The following ABLIM3 variants were observed in gnomAD, a reference collection of about 807,000 sequenced individuals.
ABLIM3 encodes actin-binding LIM protein 3.
A neutral mutation model predicts 109.5 loss-of-function variants in ABLIM3; 61 were observed. The observed-to-expected ratio is 0.56, with a 90% confidence interval of 0.45 to 0.69. The LOEUF (loss-of-function observed/expected upper bound fraction) is 0.69. Ranked by LOEUF, ABLIM3 falls within the 30% of genes least tolerant of loss-of-function variation. ABLIM3 has a pLI of 0.00. For missense variants in ABLIM3, 796 were observed against 889.5 expected, an observed-to-expected ratio of 0.89 and a Z score of 1.34; for synonymous variants, 300 against 324.8, an observed-to-expected ratio of 0.92 and a Z score of 0.82.
intron 2 of ABLIM3, among the ~76,000 whole-genome samples, chr5:149,183,095 G>A (rs1756601997): frequency 6.6e-6 from 1 of 152,212 alleles, no homozygotes; most frequent in Non-Finnish European, 1.5e-5. Flanking sequence ...CCTTGGACAA[G>A]TTTGGGGCCT....
In ABLIM3 at chr5:149,259,387, A is replaced by T; in HGVS notation, c.*983A>T. On this transcript the variant is annotated 3_prime_UTR_variant, in exon 24 of 24. Coordinates refer to ENST00000309868, the MANE Select transcript of ABLIM3 (RefSeq NM_014945.5). ...GTTCCCACCAGAGCTCCAACTGAAC[A>T]ACCAGACAGACAACTCTCATCATCC... 6.8e-7 allele frequency: 1 copy of T among 1,477,030 alleles called. No individual in the cohort carries two copies. The highest frequency in any genetic ancestry group is 9.0e-7 in the Non-Finnish European group (1 of 1,117,154). 91.5% of individuals were successfully genotyped at this position (1,477,030 alleles called of 1,614,324 possible).
intron 14 of ABLIM3, among the ~76,000 whole-genome samples, chr5:149,242,082 G>GGGGGA (rs1561627908): frequency 6.6e-6 from 1 of 152,162 alleles, no homozygotes; most frequent in African/African-American, 2.4e-5. Flanking sequence ...CTTTGAGGGA[G>GGGGGA]GGGGAGGGAG....
intron 10 of ABLIM3, among the ~76,000 whole-genome samples, chr5:149,236,154 T>G (rs1304085868): frequency 6.6e-6 from 1 of 152,174 alleles, no homozygotes; most frequent in Non-Finnish European, 1.5e-5. Context: ...CAGGCAGTGT[T>G]CAGGACATAG....
chr5:149,235,971 G>A (rs144245917), intron 10 of ABLIM3, among the ~76,000 whole-genome samples: 7 of 152,330 alleles, frequency 4.6e-5, no homozygotes, highest in Non-Finnish European at 7.3e-5. Context: ...GGCAAGAGCT[G>A]GGGAAGCCCA....
intron 2 of ABLIM3, among the ~76,000 whole-genome samples, chr5:149,160,227 G>A (rs1183070836): frequency 6.6e-6 from 1 of 152,002 alleles, no homozygotes; most frequent in African/African-American, 2.4e-5. Flanking sequence ...GGCCAACGTG[G>A]GTGGATCGCT....
chr5:149,229,860 G>C (rs1280681129), intron 8 of ABLIM3, among the ~76,000 whole-genome samples: 2 of 152,184 alleles, frequency 1.3e-5, no homozygotes, highest in African/African-American at 2.4e-5. Flanking sequence ...TTCGGGTTTG[G>C]GGCTGGCCAA....
rs191253617 is a variant in ABLIM3 at position 149,214,396 on chromosome 5, G to A, written c.670-2563G>A. 3.2e-4 allele frequency among the ~76,000 whole-genome samples: 48 copies of A among 152,290 alleles called. No individual in the cohort carries two copies. In the East Asian group the frequency reaches 5.8e-3, roughly 18 times the overall value. On this transcript the variant is annotated intron_variant, in intron 7 of 23. Coordinates refer to ENST00000309868, the MANE Select transcript of ABLIM3 (RefSeq NM_014945.5). ...AGGCTTAGATTCTATCAGCCGGCAC[G>A]CCCGGTGGAAAAAAGAACTTCTCTT...
chr5:149,158,967 A>G (rs1308947836), intron 2 of ABLIM3, among the ~76,000 whole-genome samples: 2 of 152,200 alleles, frequency 1.3e-5, no homozygotes, highest in Non-Finnish European at 1.5e-5. Context: ...GAAAACTGAT[A>G]CAGTTTTATA....
At chr5:149,217,622 C>G (rs528777307) in intron 8 of ABLIM3, 1 of 155,058 alleles carries the variant, frequency 6.4e-6, no homozygotes, top group African/African-American at 2.4e-5. Flanking sequence ...TAATTAGTCT[C>G]CAGATTCTGC....
rs552123038 is a variant in ABLIM3, at chr5:149,201,541, G to A, written c.448+1113G>A. On this transcript the variant is annotated intron_variant, in intron 5 of 23. Transcript: ENST00000309868. ...ATGGTGAGCTGAGGAGAAAGACAGT[G>A]GGAAGGCTCCCTCCCTTGCCTGCTC... is the stretch of plus-strand genomic sequence containing the variant. Among the ~76,000 whole-genome samples, 7 of 152,246 alleles carry A rather than the reference G, an allele frequency of 4.6e-5. No individual in the cohort carries two copies. In the South Asian group the frequency reaches 1.5e-3, roughly 32 times the overall value.
chr5:149,234,530 A>G (rs1481931274), intron 10 of ABLIM3, among the ~76,000 whole-genome samples: 5 of 152,174 alleles, frequency 3.3e-5, no homozygotes, highest in African/African-American at 1.2e-4. Context: ...TGATGGGACT[A>G]TGGGCACCTT....
At chr5:149,143,547 A>G (rs1752676441) in intron 2 of ABLIM3, among the ~76,000 whole-genome samples, 1 of 147,704 alleles carries the variant, frequency 6.8e-6, no homozygotes, top group African/African-American at 2.5e-5. Context: ...CATGGAAGAG[A>G]AAAAAAAAAG....
intron 9 of ABLIM3, among the ~76,000 whole-genome samples, chr5:149,232,197 T>A (rs1761933819): frequency 6.6e-6 from 1 of 152,152 alleles, no homozygotes; most frequent in African/African-American, 2.4e-5. Flanking sequence ...TCCCAGCTAC[T>A]TGGGAGGCTG....
At chr5:149,252,616 G>A in intron 22 of ABLIM3, 141 bp from the exon 23 acceptor site, 3 of 691,258 alleles carry the variant, frequency 4.3e-6, no homozygotes, top group Non-Finnish European at 7.6e-6. Flanking sequence ...GCAACCCCAA[G>A]AAGGGCAGAT....
chr5:149,258,916 C>G lies in ABLIM3; in HGVS notation c.*512C>G. Reference sequence around the variant, plus strand: ...CACCCCCAATTAGGAGCTCAGTGCTCTCTTGGGGCAATGCAGTTAAAAGGG... The same window carrying G: ...CACCCCCAATTAGGAGCTCAGTGCTGTCTTGGGGCAATGCAGTTAAAAGGG... On this transcript the variant is annotated 3_prime_UTR_variant, in exon 24 of 24. Transcript: ENST00000309868. 1.0e-6 allele frequency: 1 copy of G among 990,990 alleles called. No homozygotes were observed. Among genetic ancestry groups the G allele is most frequent in the East Asian group, 1.1e-4 (1 of 8,934 alleles). The allele number at this position is 990,990 out of a possible 1,614,324, so 61.4% of individuals were successfully genotyped here.
chr5:149,256,701 A>C (rs1240093796), intron 23 of ABLIM3, among the ~76,000 whole-genome samples: 1 of 152,260 alleles, frequency 6.6e-6, no homozygotes, highest in Non-Finnish European at 1.5e-5. Flanking sequence ...GAACTGACAC[A>C]ATGTCTAGGC....
At chr5:149,200,488 T>A (rs1758391999) in intron 5 of ABLIM3, 60 bp downstream of exon 5, 15 of 1,551,134 alleles carry the variant, frequency 9.7e-6, no homozygotes, top group Non-Finnish European at 1.3e-5. Context: ...GGCTCCCCTT[T>A]CCCAGCACTG....
intron 3 of ABLIM3, among the ~76,000 whole-genome samples, chr5:149,196,235 A>G (rs1173571090): frequency 6.6e-6 from 1 of 152,192 alleles, no homozygotes; most frequent in Non-Finnish European, 1.5e-5. Flanking sequence ...GTGAACAAAC[A>G]TTTATGAAAT....
In ABLIM3 at chr5:149,259,323, A is replaced by G. The variant is rs1490651883; in HGVS notation, c.*919A>G. ...GCTTGTATTCTTTAGCCTTATTACA[A>G]TCTATGTGCCTGACAACTCAACACA... On this transcript the variant is annotated 3_prime_UTR_variant, in exon 24 of 24. Coordinates refer to ENST00000309868, the MANE Select transcript of ABLIM3 (RefSeq NM_014945.5). 2.1e-6 allele frequency: 3 copies of G among 1,421,938 alleles called. No homozygotes were observed. The highest frequency in any genetic ancestry group is 1.8e-6 in the Non-Finnish European group (2 of 1,091,100). The allele number at this position is 1,421,938 out of a possible 1,614,324, so 88.1% of individuals were successfully genotyped here. A position where few individuals can be genotyped will look rare whatever the true frequency, so the allele number is the denominator to read the frequency against.
Sources: allele counts gnomAD v4.1 joint callset (sites outside exome capture counted in the v4.1 genomes callset), GRCh38; gene constraint gnomAD v4.1.1; transcripts MANE v1.5; gene names NCBI Gene and HGNC (gene_info 2026-07-23, HGNC 2026-07-21).